LRRK2: variants seen among roughly 807,000 people sequenced by gnomAD.
LRRK2 encodes the protein leucine-rich repeat serine/threonine-protein kinase 2.
Under a neutral mutation model 302.6 loss-of-function variants are expected in LRRK2, and 203 were observed. The observed-to-expected ratio is 0.67, with a 90% confidence interval of 0.60 to 0.75. The LOEUF is 0.75. Ranked by LOEUF, LRRK2 falls within the 30% of genes least tolerant of loss-of-function variation. LRRK2 has a pLI of 0.00. For missense variants in LRRK2, 2,830 were observed against 2,951.0 expected (o/e 0.96, Z 0.95); for synonymous variants, 1,066 against 1,031.9 (o/e 1.03, Z -0.63).
chr12:40,338,735 T>A (rs1306463123), intron 40 of LRRK2, among the ~76,000 whole-genome samples: 1 of 152,224 alleles, frequency 6.6e-6, no homozygotes, highest in Non-Finnish European at 1.5e-5. Flanking sequence ...TTGGAAAGTA[T>A]TCTGAAAGAG....
chr12:40,265,488 C>A lies in LRRK2; in HGVS notation c.1656+1587C>A, dbSNP rs1025461114. Among the ~76,000 whole-genome samples, 8 of 152,264 alleles carry A rather than the reference C, an allele frequency of 5.3e-5. No homozygotes were observed. The East Asian group carries it at 1.4e-3, about 26-fold the overall frequency. On this transcript the variant is annotated intron_variant, in intron 14 of 50. Transcript: ENST00000298910. Reference sequence around the variant, plus strand: ...AAGGATGAGACAGCGTAAATTGGCACTAGGAAGACTCCCTTTGTGGGAGTT... The same window carrying A: ...AAGGATGAGACAGCGTAAATTGGCAATAGGAAGACTCCCTTTGTGGGAGTT...
chr12:40,246,295 A>T (rs1941978241), intron 7 of LRRK2, among the ~76,000 whole-genome samples: 1 of 151,916 alleles, frequency 6.6e-6, no homozygotes. Flanking sequence ...GAAGAAATAC[A>T]TCTACAGGTT....
chr12:40,246,733 C>T (rs932727175), intron 7 of LRRK2, among the ~76,000 whole-genome samples: 1 of 152,084 alleles, frequency 6.6e-6, no homozygotes, highest in Non-Finnish European at 1.5e-5. Context: ...ATGATCCAGG[C>T]TTAATATGGG....
At chr12:40,289,041 A>C (rs1303856442) in intron 20 of LRRK2, among the ~76,000 whole-genome samples, 1 of 151,896 alleles carries the variant, frequency 6.6e-6, no homozygotes, top group Non-Finnish European at 1.5e-5. Flanking sequence ...TTAAAATCTC[A>C]GCTTTGGCAT....
chr12:40,333,112 A>G (rs1945763107), intron 39 of LRRK2, among the ~76,000 whole-genome samples: 2 of 152,056 alleles, frequency 1.3e-5, no homozygotes, highest in African/African-American at 2.4e-5. Flanking sequence ...CAGGATAGAA[A>G]ATTTGGATTA....
intron 4 of LRRK2, among the ~76,000 whole-genome samples, chr12:40,237,409 A>G (rs553370410): frequency 6.6e-6 from 1 of 152,344 alleles, no homozygotes; most frequent in African/African-American, 2.4e-5. Flanking sequence ...CACAATAGGA[A>G]TGAAGGTGCC....
chr12:40,274,111 G>A (rs1943348764), intron 14 of LRRK2, among the ~76,000 whole-genome samples: 2 of 152,190 alleles, frequency 1.3e-5, no homozygotes, highest in Non-Finnish European at 2.9e-5. Context: ...AATAACGCAT[G>A]CAAAGCACTT....
intron 31 of LRRK2, among the ~76,000 whole-genome samples, chr12:40,313,204 G>A (rs543582288): frequency 4.0e-5 from 6 of 151,820 alleles, no homozygotes; most frequent in Admixed American, 6.6e-5. Flanking sequence ...ACGGCACTCT[G>A]GATATTATTA....
intron 14 of LRRK2, among the ~76,000 whole-genome samples, chr12:40,264,651 A>G (rs1022004762): frequency 1.3e-5 from 2 of 152,174 alleles, no homozygotes; most frequent in Non-Finnish European, 2.9e-5. Context: ...AAACAAAAAC[A>G]GTAAAGTCTT....
intron 49 of LRRK2, 38 bp downstream of exon 49, chr12:40,365,088 A>G: frequency 6.4e-7 from 1 of 1,562,052 alleles, no homozygotes; most frequent in East Asian, 2.2e-5. Flanking sequence ...CATATTCTCT[A>G]AGTCTTATAA....
At chr12:40,236,237 G>A (rs1941460606) in intron 4 of LRRK2, among the ~76,000 whole-genome samples, 1 of 152,110 alleles carries the variant, frequency 6.6e-6, no homozygotes, top group Admixed American at 6.6e-5. Context: ...TTTGCTAGAT[G>A]CCAGGCTTCA....
chr12:40,313,859 C>T, intron 31 of LRRK2, 113 bp from the exon 32 acceptor site: 1 of 767,918 alleles, frequency 1.3e-6, no homozygotes, highest in South Asian at 1.6e-5. Flanking sequence ...TAAAAATGTA[C>T]TTCTGAATAA....
At chr12:40,270,078 T>A (rs1943171744) in intron 14 of LRRK2, among the ~76,000 whole-genome samples, 1 of 152,104 alleles carries the variant, frequency 6.6e-6, no homozygotes, top group Non-Finnish European at 1.5e-5. Context: ...TCACTTAGAG[T>A]TGTTGAATAT....
intron 49 of LRRK2, chr12:40,365,928 C>T (rs994216258): frequency 1.3e-5 from 2 of 151,952 alleles, no homozygotes; most frequent in Non-Finnish European, 2.9e-5. Context: ...AGCAGTAGGT[C>T]TCTCAATAGG....
At chr12:40,309,070 AAAG>A (rs1436236214) in intron 29 of LRRK2, 33 bp from the exon 30 acceptor site, 1 of 1,610,360 alleles carries the variant, frequency 6.2e-7, no homozygotes, top group East Asian at 2.2e-5. Flanking sequence ...CTGTCGTTTG[AAAG>A]ATTAAAAAAA....
intron 44 of LRRK2, among the ~76,000 whole-genome samples, chr12:40,352,704 A>G (rs1197118369): frequency 6.7e-6 from 1 of 149,520 alleles, no homozygotes; most frequent in Admixed American, 6.7e-5. Flanking sequence ...TTAACAAAGC[A>G]CATCTTGCAC....
At chr12:40,315,984 C>T (rs1945204254) in intron 33 of LRRK2, among the ~76,000 whole-genome samples, 1 of 151,894 alleles carries the variant, frequency 6.6e-6, no homozygotes, top group Admixed American at 6.6e-5. Flanking sequence ...AGGATGTTAG[C>T]AGCATTTTTG....
At chr12:40,243,273 A>C (rs550172863) in intron 6 of LRRK2, among the ~76,000 whole-genome samples, 5 of 152,150 alleles carry the variant, frequency 3.3e-5, no homozygotes, top group African/African-American at 9.6e-5. Flanking sequence ...TACTAAAAGT[A>C]CTCTGAATTT....
At chr12:40,252,828 G>C in intron 10 of LRRK2, 82 bp from the exon 11 acceptor site, 1 of 879,182 alleles carries the variant, frequency 1.1e-6, no homozygotes, top group Non-Finnish European at 1.9e-6. Flanking sequence ...ATTGTTGTTA[G>C]AGATATTTGA....
Sources: gnomAD v4.1 joint callset for allele counts (sites outside exome capture counted in the v4.1 genomes callset) on GRCh38, gnomAD v4.1.1 for gene constraint, MANE v1.5 for transcripts, NCBI Gene and HGNC (gene_info 2026-07-23, HGNC 2026-07-21) for gene names.